The following TRPC3 variants were observed in gnomAD, a reference collection of about 807,000 sequenced individuals.
TRPC3 encodes the protein transient receptor potential cation channel subfamily C member 3, also known as short transient receptor potential channel 3.
In TRPC3, 54 loss-of-function variants were observed where a neutral mutation model predicts 90.9. That is an observed-to-expected ratio of 0.59 (90% confidence interval 0.48 to 0.75). TRPC3 has a LOEUF of 0.75. TRPC3 is among the 30% of genes least tolerant of loss of function. The pLI is 0.00. For missense variants in TRPC3, 918 were observed against 1,194.5 expected, an observed-to-expected ratio of 0.77 and a Z score of 3.41; for synonymous variants, 424 against 450.9, an observed-to-expected ratio of 0.94 and a Z score of 0.75.
rs1030841944 is a variant in TRPC3, at chr4:121,951,693, G to C, written c.-13C>G. ...CCTTGGTGGACATCGCGCCGGCTGC[G>C]GTCCGAGTGTGGGGGTGCCGGCTGC... On this transcript the variant is annotated 5_prime_UTR_variant, in exon 1 of 12. Coordinates refer to ENST00000379645, the MANE Select transcript of TRPC3 (RefSeq NM_001130698.2). This position sits in a 1 kb window ranked among gnomAD's most constrained non-coding sequence, Gnocchi z 4.4. The C allele has an allele frequency of 1.1e-5, 15 of 1,309,748 alleles. No homozygotes were observed. The highest frequency in any genetic ancestry group is 1.5e-5 in the African/African-American group (1 of 65,038). The allele number at this position is 1,309,748 out of a possible 1,614,324, so 81.1% of individuals were successfully genotyped here. A position where few individuals can be genotyped will look rare whatever the true frequency, so the allele number is the denominator to read the frequency against.
chr4:121,923,155 G>A (rs1729586947), intron 3 of TRPC3, among the ~76,000 whole-genome samples: 1 of 152,054 alleles, frequency 6.6e-6, no homozygotes, highest in South Asian at 2.1e-4. Flanking sequence ...TGCAAACATT[G>A]GCTTAGGTTC....
In TRPC3 at chr4:121,910,407, G is replaced by A. The variant is rs754918017; in HGVS notation, c.1559-20C>T. On this transcript the variant is annotated intron_variant, in intron 5 of 11. Transcript: ENST00000379645. ...TCATTCCTGTCACAACAAATACAGA[G>A]GGTGCAGGTCAGATTTTACAGGCCA... is the stretch of plus-strand genomic sequence containing the variant. 9 of 1,603,488 alleles carry A rather than the reference G, an allele frequency of 5.6e-6. No individual in the cohort carries two copies. Among genetic ancestry groups the A allele is most frequent in the South Asian group, 3.3e-5 (3 of 90,796 alleles).
At chr4:121,950,064 G>A (rs1272921541) in intron 1 of TRPC3, among the ~76,000 whole-genome samples, 1 of 152,240 alleles carries the variant, frequency 6.6e-6, no homozygotes, top group Non-Finnish European at 1.5e-5. Flanking sequence ...GAAGTGAGCT[G>A]GTGGCGCTTT....
At chr4:121,948,177 G>GAAA (rs5861549) in intron 1 of TRPC3, among the ~76,000 whole-genome samples, 1 of 145,194 alleles carries the variant, frequency 6.9e-6, no homozygotes, top group African/African-American at 2.6e-5. Flanking sequence ...CCTTTAAAAA[G>GAAA]AAAAAAAAAA....
intron 10 of TRPC3, among the ~76,000 whole-genome samples, chr4:121,889,809 C>T (rs1292481492): frequency 6.6e-6 from 1 of 152,154 alleles, no homozygotes; most frequent in African/African-American, 2.4e-5. Context: ...AGCAATCCCA[C>T]TACTGGTATA....
At chr4:121,880,880 TA>T (rs1305645805) in intron 11 of TRPC3, among the ~76,000 whole-genome samples, 3 of 151,508 alleles carry the variant, frequency 2.0e-5, no homozygotes, top group Non-Finnish European at 4.4e-5. Context: ...TTCTATTATA[TA>T]AAAGTCAGAG....
chr4:121,920,055 C>A (rs1459782284), intron 3 of TRPC3, among the ~76,000 whole-genome samples: 1 of 152,106 alleles, frequency 6.6e-6, no homozygotes, highest in East Asian at 1.9e-4. Context: ...TCTAATTAAA[C>A]AAAATTAGTG....
At chr4:121,907,883 A>G (rs1448672883) in intron 6 of TRPC3, among the ~76,000 whole-genome samples, 2 of 152,102 alleles carry the variant, frequency 1.3e-5, no homozygotes, top group Non-Finnish European at 2.9e-5. Flanking sequence ...AGGATGACAA[A>G]ACAACTGACT....
At position 121,932,928 on chromosome 4, in the gene TRPC3, G is replaced by T; in HGVS notation, c.330C>A (p.Thr110=). The T allele has an allele frequency of 1.2e-6, 2 of 1,614,006 alleles. No individual in the cohort carries two copies. The highest frequency in any genetic ancestry group is 1.7e-6 in the Non-Finnish European group (2 of 1,179,984). Residue 110 remains threonine, a synonymous_variant, in exon 2 of 12, where the codon ACC becomes ACA. Transcript: ENST00000379645. The surrounding 1 kb of genome is among the most constrained non-coding windows in gnomAD (Gnocchi z 7.7). ...CGTCGAGGAAGCGCTCCTCCTCGGC[G>T]GTGAGGCTGGTGCCGCGGTCATTGA... ...FMFNDRGTSL[T]AEEERFLDAA...
At chr4:121,887,059 G>A (rs537117919) in intron 10 of TRPC3, among the ~76,000 whole-genome samples, 3 of 152,288 alleles carry the variant, frequency 2.0e-5, no homozygotes, top group African/African-American at 7.2e-5. Context: ...GATAACAGGT[G>A]AGGCTGCAAG....
intron 8 of TRPC3, among the ~76,000 whole-genome samples, chr4:121,903,886 C>A (rs549236562): frequency 6.6e-6 from 1 of 152,218 alleles, no homozygotes; most frequent in South Asian, 2.1e-4. Context: ...AGGTACCAAA[C>A]CCAGCCCAAT....
intron 2 of TRPC3, among the ~76,000 whole-genome samples, chr4:121,926,086 A>C (rs1217009883): frequency 6.6e-6 from 1 of 152,244 alleles, no homozygotes; most frequent in East Asian, 1.9e-4. Context: ...AACCCTGACT[A>C]ATAGAGTCAG....
rs200627304 is a variant in TRPC3 at position 121,878,999 on chromosome 4, G to T, written c.*737C>A. 2 of 152,076 alleles carry T rather than the reference G, an allele frequency of 1.3e-5. No individual in the cohort carries two copies. Among genetic ancestry groups the T allele is most frequent in the African/African-American group, 4.8e-5 (2 of 41,404 alleles). The allele number at this position is 152,076 out of a possible 1,614,324, so 9.4% of individuals were successfully genotyped here. A position where few individuals can be genotyped will look rare whatever the true frequency, so the allele number is the denominator to read the frequency against. ...ATCACATTACTGAAAAACAACAAAC[G>T]TAAGTCTAAGACAGAAAGCAAGCAG... On this transcript the variant is annotated 3_prime_UTR_variant, in exon 12 of 12. Coordinates refer to ENST00000379645, the MANE Select transcript of TRPC3 (RefSeq NM_001130698.2).
chr4:121,905,959 C>T (rs1728865662), intron 7 of TRPC3, among the ~76,000 whole-genome samples: 2 of 152,032 alleles, frequency 1.3e-5, no homozygotes, highest in South Asian at 2.1e-4. Context: ...TCACAAAATT[C>T]TCCCGCTCCT....
chr4:121,916,574 A>C (rs1729325680), intron 3 of TRPC3, among the ~76,000 whole-genome samples: 1 of 152,198 alleles, frequency 6.6e-6, no homozygotes, highest in Non-Finnish European at 1.5e-5. Context: ...CCTGATAGGA[A>C]GAGGCAGGAG....
chr4:121,918,060 G>T (rs1021531965), intron 3 of TRPC3, among the ~76,000 whole-genome samples: 4 of 152,178 alleles, frequency 2.6e-5, no homozygotes, highest in Admixed American at 2.0e-4. Flanking sequence ...CCTTCAAGAG[G>T]TGATTAGGCC....
At chr4:121,939,785 C>G (rs921676141) in intron 1 of TRPC3, among the ~76,000 whole-genome samples, 1 of 152,152 alleles carries the variant, frequency 6.6e-6, no homozygotes, top group Admixed American at 6.5e-5. Flanking sequence ...GGGTTTCTAA[C>G]AAAAGAAAGT....
At chr4:121,943,140 C>T (rs546002444) in intron 1 of TRPC3, among the ~76,000 whole-genome samples, 137 of 152,028 alleles carry the variant, frequency 9.0e-4, no homozygotes, top group African/African-American at 3.2e-3. Flanking sequence ...CCCAGATGCA[C>T]GCATAGTTAA....
chr4:121,889,165 G>A (rs1394421720), intron 10 of TRPC3, among the ~76,000 whole-genome samples: 13 of 152,132 alleles, frequency 8.5e-5, no homozygotes. Flanking sequence ...AAAGTCTCAG[G>A]TGTAAGACTC....
Sources: allele counts gnomAD v4.1 joint callset (sites outside exome capture counted in the v4.1 genomes callset), GRCh38; gene constraint gnomAD v4.1.1; non-coding constraint Gnocchi (gnomAD v3.1); transcripts MANE v1.5; gene names NCBI Gene and HGNC (gene_info 2026-07-23, HGNC 2026-07-21).